The following CLEC16A variants were observed in gnomAD, a reference collection of about 807,000 sequenced individuals.
CLEC16A encodes protein CLEC16A.
Under a neutral mutation model 109.5 loss-of-function variants are expected in CLEC16A, and 51 were observed. The observed-to-expected ratio is 0.47, with a 90% CI of 0.37 to 0.59. CLEC16A has a LOEUF of 0.59. CLEC16A is among the 20% of genes least tolerant of loss of function. The pLI is 0.00. For synonymous variants in CLEC16A, 673 were observed against 564.2 expected (o/e 1.19, Z -2.73); for missense variants, 1,339 against 1,394.0 (o/e 0.96, Z 0.63).
intron 1 of CLEC16A, among the ~76,000 whole-genome samples, chr16:10,949,263 T>C (rs2041597699): frequency 6.6e-6 from 1 of 152,158 alleles, no homozygotes; most frequent in Non-Finnish European, 1.5e-5. Context: ...TTTCTTAAAA[T>C]ATCGTCTTCA....
At chr16:11,119,091 C>T (rs1223002647) in intron 19 of CLEC16A, among the ~76,000 whole-genome samples, 1 of 152,176 alleles carries the variant, frequency 6.6e-6, no homozygotes, top group Non-Finnish European at 1.5e-5. Flanking sequence ...AACTTCGCCT[C>T]TCAGGTTCAA....
intron 19 of CLEC16A, among the ~76,000 whole-genome samples, chr16:11,081,480 G>C (rs1166390311): frequency 6.6e-6 from 1 of 152,090 alleles, no homozygotes; most frequent in East Asian, 1.9e-4. Flanking sequence ...GGCTCCTCCA[G>C]GTAGCCCTGG....
chr16:11,039,537 C>T (rs2047203967), intron 13 of CLEC16A, among the ~76,000 whole-genome samples: 1 of 152,040 alleles, frequency 6.6e-6, no homozygotes, highest in Admixed American at 6.5e-5. Context: ...GGAGGCCCAG[C>T]ACTTGGGGAA....
intron 22 of CLEC16A, among the ~76,000 whole-genome samples, chr16:11,151,772 C>T (rs1270420291): frequency 6.6e-6 from 1 of 152,200 alleles, no homozygotes; most frequent in Non-Finnish European, 1.5e-5. Context: ...CCTGCACCAG[C>T]TCACTGTTGC....
intron 22 of CLEC16A, among the ~76,000 whole-genome samples, chr16:11,141,245 A>T (rs546501712): frequency 6.6e-6 from 1 of 152,212 alleles, no homozygotes; most frequent in Non-Finnish European, 1.5e-5. Context: ...AGTTCTGAGC[A>T]CCTGCCCTGT....
chr16:11,022,727 GTC>G (rs1567207744), intron 12 of CLEC16A, among the ~76,000 whole-genome samples: 2 of 151,642 alleles, frequency 1.3e-5, no homozygotes. Context: ...GTGAAACCCC[GTC>G]TCTACTAAAA....
intron 20 of CLEC16A, among the ~76,000 whole-genome samples, chr16:11,122,493 G>A (rs1171304031): frequency 4.6e-5 from 7 of 151,168 alleles, no homozygotes; most frequent in African/African-American, 7.3e-5. Flanking sequence ...TTTTTTGGCC[G>A]TCTTCCAATG....
At chr16:10,980,154 TC>T in intron 9 of CLEC16A, among the ~76,000 whole-genome samples, 1 of 152,302 alleles carries the variant, frequency 6.6e-6, no homozygotes, top group African/African-American at 2.4e-5. Flanking sequence ...TCTGACTTGA[TC>T]CCCAGCTGTT....
rs1208781850 is a variant in CLEC16A at position 10,944,805 on chromosome 16, T to C, written c.80+8T>C. The C allele has an allele frequency of 1.2e-6, 2 of 1,600,386 alleles. No individual in the cohort carries two copies. Among genetic ancestry groups the C allele is most frequent in the East Asian group, 2.2e-5 (1 of 44,502 alleles). ...CTCCTTGGACCACCTCAAGTGAGTG[T>C]GGGGGGCGTAGCGGGAGGCCTCGGG... is the stretch of plus-strand genomic sequence containing the variant. On this transcript the variant is annotated splice_region_variant and intron_variant, in intron 1 of 23. Coordinates refer to ENST00000409790, the MANE Select transcript of CLEC16A (RefSeq NM_015226.3).
In CLEC16A at chr16:11,061,025, G is replaced by T; in HGVS notation, c.2116+3G>T. 6.2e-7 allele frequency: 1 copy of T among 1,603,082 alleles called. No homozygotes were observed. The highest frequency in any genetic ancestry group is 8.5e-7 in the Non-Finnish European group (1 of 1,175,988). The stretch of plus-strand genomic sequence containing the variant: ...GACTGATGATGTCCTGGATCTGAGT[G>T]AGTTGGCTGCTCTGAGTCACAGCAG... On this transcript the variant is annotated splice_donor_region_variant and intron_variant, in intron 19 of 23. Transcript: ENST00000409790.
At chr16:11,032,986 G>A (rs12923583) in intron 13 of CLEC16A, among the ~76,000 whole-genome samples, 24,483 of 152,170 alleles carry the variant, frequency 0.16, 2,418 homozygotes, top group South Asian at 0.23. Context: ...GTAGATGACT[G>A]GGGGTGGGGA....
intron 22 of CLEC16A, among the ~76,000 whole-genome samples, chr16:11,160,736 G>A (rs567311245): frequency 1.3e-5 from 2 of 152,324 alleles, no homozygotes; most frequent in African/African-American, 4.8e-5. Context: ...TCCCTCTCGG[G>A]TAAAAGAAGC....
At chr16:11,028,202 AAAAAG>A (rs761629282) in intron 13 of CLEC16A, among the ~76,000 whole-genome samples, 24 of 152,258 alleles carry the variant, frequency 1.6e-4, no homozygotes, top group Non-Finnish European at 2.5e-4. Flanking sequence ...CTGTCTCAAC[AAAAAG>A]AAAAGACAGT....
intron 18 of CLEC16A, 69 bp from the exon 19 acceptor site, chr16:11,060,833 G>A (rs2048441397): frequency 2.1e-6 from 3 of 1,411,472 alleles, no homozygotes; most frequent in Non-Finnish European, 2.8e-6. Flanking sequence ...GTCATTTCTG[G>A]GTGTGGGGCA....
chr16:10,972,873 T>G (rs1447823719), intron 6 of CLEC16A, 65 bp from the exon 7 acceptor site: 2 of 1,503,044 alleles, frequency 1.3e-6, no homozygotes, highest in East Asian at 2.3e-5. Flanking sequence ...TTTTGTTTTT[T>G]TTTTAATCTT....
chr16:10,949,402 G>A (rs770092480), intron 1 of CLEC16A, among the ~76,000 whole-genome samples: 1 of 152,116 alleles, frequency 6.6e-6, no homozygotes, highest in Non-Finnish European at 1.5e-5. Flanking sequence ...TGTTTAAATG[G>A]AGACCAACGG....
At chr16:10,988,608 C>T (rs2043811462) in intron 10 of CLEC16A, among the ~76,000 whole-genome samples, 1 of 152,186 alleles carries the variant, frequency 6.6e-6, no homozygotes, top group African/African-American at 2.4e-5. Flanking sequence ...TTGAATGCCG[C>T]CTTCTCTTTG....
intron 10 of CLEC16A, among the ~76,000 whole-genome samples, chr16:10,987,169 T>G (rs780575623): frequency 3.9e-5 from 6 of 152,148 alleles, no homozygotes; most frequent in Non-Finnish European, 7.4e-5. Context: ...ATGCAGTTTT[T>G]TTTTTAATTG....
At chr16:11,080,535 G>A (rs1049030406) in intron 19 of CLEC16A, among the ~76,000 whole-genome samples, 3 of 152,202 alleles carry the variant, frequency 2.0e-5, no homozygotes, top group Admixed American at 1.3e-4. Context: ...CGGTCCATTC[G>A]TTTCATATGG....
Sources: allele counts gnomAD v4.1 joint callset (sites outside exome capture counted in the v4.1 genomes callset), GRCh38; gene constraint gnomAD v4.1.1; transcripts MANE v1.5; gene names NCBI Gene and HGNC (gene_info 2026-07-23, HGNC 2026-07-21).